The following SEMA3A variants were observed in gnomAD, a reference collection of about 807,000 sequenced individuals.
SEMA3A encodes semaphorin-3A.
In SEMA3A, 29 loss-of-function variants were observed where a neutral mutation model predicts 97.9. The ratio of observed to expected loss-of-function variants is 0.30; its 90% CI spans 0.22 to 0.40. SEMA3A has a LOEUF of 0.40. Among genes scored for constraint, SEMA3A ranks in the 10% least tolerant of loss-of-function variants. The probability of loss-of-function intolerance (pLI) is 1.00; values close to 1 mark genes in which losing one functional copy is unlikely to be tolerated. For missense variants in SEMA3A, 763 were observed against 951.3 expected, an observed-to-expected ratio of 0.80 and a Z score of 2.60; for synonymous variants, 321 against 323.7, an observed-to-expected ratio of 0.99 and a Z score of 0.09.
chr7:84,405,851 G>A (rs1234885108), intron 1 of SEMA3A, among the ~76,000 whole-genome samples: 4 of 152,092 alleles, frequency 2.6e-5, no homozygotes, highest in African/African-American at 9.7e-5. Context: ...TGAAACCAAT[G>A]AGAACAAAGA....
In SEMA3A at chr7:84,134,959, G is replaced by A; in HGVS notation, c.113-8C>T. 6.2e-7 allele frequency: 1 copy of A among 1,611,404 alleles called. No individual in the cohort carries two copies. Among genetic ancestry groups the A allele is most frequent in the Non-Finnish European group, 8.5e-7 (1 of 1,178,884 alleles). Reference sequence around the variant, plus strand: ...TGTTGGATTCCAACATTTCTGCAAGGTAACAAAGCAAAACATTGGGTATTA... The same window carrying A: ...TGTTGGATTCCAACATTTCTGCAAGATAACAAAGCAAAACATTGGGTATTA... On this transcript the variant is annotated splice_polypyrimidine_tract_variant and splice_region_variant and intron_variant, in intron 1 of 16. Coordinates refer to ENST00000265362, the MANE Select transcript of SEMA3A (RefSeq NM_006080.3).
intron 12 of SEMA3A, among the ~76,000 whole-genome samples, chr7:83,993,591 A>T (rs1235351213): frequency 1.4e-4 from 21 of 147,378 alleles, no homozygotes; most frequent in Admixed American, 2.0e-4. Flanking sequence ...CTTTGGCTGG[A>T]TATGAAATTC....
At chr7:84,203,524 A>ATTTTTTTTTTTTTTTTTTT (rs1253293554) in intron 3 of SEMA3A, among the ~76,000 whole-genome samples, 1 of 43,036 alleles carries the variant, frequency 2.3e-5, no homozygotes, top group African/African-American at 8.4e-5. Flanking sequence ...ATATATATAT[A>ATTTTTTTTTTTTTTTTTTT]TATTTTTTTT....
At chr7:84,337,480 T>A (rs1279867670) in intron 2 of SEMA3A, among the ~76,000 whole-genome samples, 1 of 152,116 alleles carries the variant, frequency 6.6e-6, no homozygotes, top group African/African-American at 2.4e-5. Flanking sequence ...TGGCTAACAA[T>A]CCATCATTGC....
intron 2 of SEMA3A, among the ~76,000 whole-genome samples, chr7:84,324,634 T>G (rs2115923315): frequency 6.6e-6 from 1 of 152,264 alleles, no homozygotes; most frequent in Admixed American, 6.5e-5. Flanking sequence ...TGTAATTTTT[T>G]TAACTTTAAC....
intron 2 of SEMA3A, among the ~76,000 whole-genome samples, chr7:84,328,622 C>A (rs187929554): frequency 6.6e-6 from 1 of 151,954 alleles, no homozygotes; most frequent in Non-Finnish European, 1.5e-5. Context: ...ATTTCGACAA[C>A]CTATGGTAAA....
chr7:84,397,593 G>A (rs552257669), intron 1 of SEMA3A, among the ~76,000 whole-genome samples: 2 of 151,400 alleles, frequency 1.3e-5, no homozygotes, highest in Non-Finnish European at 2.9e-5. Context: ...ACAAGTGCAG[G>A]TTTGTTAACC....
At chr7:83,989,311 A>G (rs1299654592) in intron 12 of SEMA3A, among the ~76,000 whole-genome samples, 5 of 152,186 alleles carry the variant, frequency 3.3e-5, no homozygotes, top group Admixed American at 3.3e-4. Context: ...TCTATAAGGT[A>G]GATAAAAATT....
At chr7:84,478,271 T>C (rs1377578445) in intron 1 of SEMA3A, among the ~76,000 whole-genome samples, 1 of 151,996 alleles carries the variant, frequency 6.6e-6, no homozygotes, top group Non-Finnish European at 1.5e-5. Context: ...TACCTCCCCA[T>C]CCCCAGCCAT....
At chr7:84,464,772 T>C (rs561529777) in intron 1 of SEMA3A, among the ~76,000 whole-genome samples, 92 of 152,308 alleles carry the variant, frequency 6.0e-4, no homozygotes, top group Non-Finnish European at 1.2e-3. Flanking sequence ...CTAAGAAATA[T>C]ATGAAAGTCA....
intron 5 of SEMA3A, among the ~76,000 whole-genome samples, chr7:84,051,880 G>A (rs977073545): frequency 2.0e-5 from 3 of 150,278 alleles, no homozygotes; most frequent in East Asian, 1.9e-4. Context: ...TTTGAAATAC[G>A]TCCCATCAAT....
chr7:84,063,467 C>A (rs1037433431), intron 4 of SEMA3A, among the ~76,000 whole-genome samples: 54 of 151,454 alleles, frequency 3.6e-4, no homozygotes, highest in Middle Eastern at 3.4e-3. Context: ...GATCAAATTA[C>A]TCTGAGCTAC....
At chr7:84,475,297 C>T (rs1012935586) in intron 1 of SEMA3A, among the ~76,000 whole-genome samples, 11 of 151,912 alleles carry the variant, frequency 7.2e-5, no homozygotes, top group Non-Finnish European at 1.5e-4. Context: ...TTTGTTTGTT[C>T]ATTCTGTGTC....
chr7:84,410,929 C>A lies in SEMA3A; in HGVS notation c.-245-39029G>T, dbSNP rs565271168. On this transcript the variant is annotated intron_variant, in intron 1 of 3. Coordinates refer to the SEMA3A transcript ENST00000424555. ...ACACAGTGACAACTATTAGATAGAA[C>A]TTACTTCAGGTTTTTCTTGTTGTCG... 5.9e-5 allele frequency among the ~76,000 whole-genome samples: 9 copies of A among 152,162 alleles called. No homozygotes were observed. In the South Asian group the frequency reaches 1.9e-3, roughly 31 times the overall value.
intron 4 of SEMA3A, among the ~76,000 whole-genome samples, chr7:84,073,605 A>G (rs1167878282): frequency 6.6e-6 from 1 of 152,128 alleles, no homozygotes; most frequent in African/African-American, 2.4e-5. Context: ...AATAGCATCA[A>G]AGAGGTGCAA....
chr7:84,066,412 T>G (rs1461443754), intron 4 of SEMA3A, among the ~76,000 whole-genome samples: 2 of 142,740 alleles, frequency 1.4e-5, no homozygotes, highest in Non-Finnish European at 3.0e-5. Context: ...TGTTCGAAGT[T>G]CTGGCCAGGG....
At chr7:84,207,784 TG>T (rs913497349) in intron 3 of SEMA3A, among the ~76,000 whole-genome samples, 10 of 152,018 alleles carry the variant, frequency 6.6e-5, no homozygotes, top group Admixed American at 6.6e-4. Flanking sequence ...AGTAGGTTGG[TG>T]GGGCTGTTGC....
chr7:84,243,046 C>A (rs111672957), intron 3 of SEMA3A, among the ~76,000 whole-genome samples: 1 of 152,028 alleles, frequency 6.6e-6, no homozygotes, highest in African/African-American at 2.4e-5. Context: ...CTACTGGATT[C>A]GGTTAGTATT....
chr7:84,135,895 A>G (rs1443489057), intron 1 of SEMA3A, among the ~76,000 whole-genome samples: 2 of 152,168 alleles, frequency 1.3e-5, no homozygotes, highest in Non-Finnish European at 2.9e-5. Context: ...TTTGCTCTCC[A>G]GTTTGCTTCT....
Sources: allele counts gnomAD v4.1 joint callset (sites outside exome capture counted in the v4.1 genomes callset), GRCh38; gene constraint gnomAD v4.1.1; transcripts MANE v1.5; gene names NCBI Gene and HGNC (gene_info 2026-07-23, HGNC 2026-07-21).